The following FSIP1 variants were observed in gnomAD, a reference collection of about 807,000 sequenced individuals.
The protein encoded by FSIP1 is fibrous sheath interacting protein 1.
In FSIP1, 65 loss-of-function variants were observed where a neutral mutation model predicts 60.9. The ratio of observed to expected loss-of-function variants is 1.07; its 90% CI spans 0.87 to 1.31. The LOEUF is 1.31. FSIP1 is among the 40% of genes most tolerant of loss of function. The pLI, the probability that FSIP1 is intolerant of heterozygous loss-of-function variation, is 0.00. For synonymous variants in FSIP1, 209 were observed against 221.2 expected, an observed-to-expected ratio of 0.94 and a Z score of 0.49; for missense variants, 675 against 665.5, an observed-to-expected ratio of 1.01 and a Z score of -0.16.
At chr15:39,672,220 C>T (rs1415483415) in intron 10 of FSIP1, among the ~76,000 whole-genome samples, 2 of 152,088 alleles carry the variant, frequency 1.3e-5, no homozygotes, top group South Asian at 4.2e-4. Context: ...TGAAGATCTG[C>T]TTTAGGGAAT....
chr15:39,714,337 G>A (rs1255496030), intron 9 of FSIP1, among the ~76,000 whole-genome samples: 1 of 151,840 alleles, frequency 6.6e-6, no homozygotes, highest in African/African-American at 2.4e-5. Context: ...TTCTTGATAG[G>A]AATTTGGTCC....
In FSIP1 at chr15:39,646,554, G is replaced by A. The variant is rs988667172; in HGVS notation, c.1189-28309C>T. On this transcript the variant is annotated intron_variant, in intron 10 of 11. Coordinates refer to ENST00000350221, the MANE Select transcript of FSIP1 (RefSeq NM_152597.5). ...AAAAAAAAAAAAAAAAAAAGGCTGCGTTTGGTGATGTGTGCCTGTAGTCCC... is the reference window on the plus strand; with the variant it reads ...AAAAAAAAAAAAAAAAAAAGGCTGCATTTGGTGATGTGTGCCTGTAGTCCC... Among the ~76,000 whole-genome samples the A allele has an allele frequency of 6.5e-5, 8 of 123,326 alleles. No individual in the cohort carries two copies. The East Asian group carries it at 1.2e-3, about 19-fold the overall frequency. 80.9% of individuals were successfully genotyped at this position (123,326 alleles called of 152,430 possible).
At chr15:39,713,054 G>A (rs145114024) in intron 10 of FSIP1, among the ~76,000 whole-genome samples, 3 of 152,212 alleles carry the variant, frequency 2.0e-5, no homozygotes, top group African/African-American at 7.2e-5. Flanking sequence ...CACACTATCT[G>A]AAGTCAGAAT....
intron 1 of FSIP1, among the ~76,000 whole-genome samples, chr15:39,781,907 A>AT (rs1898277731): frequency 6.6e-6 from 1 of 152,264 alleles, no homozygotes; most frequent in South Asian, 2.1e-4. Context: ...ACATAACTGT[A>AT]TACATTTGTC....
chr15:39,679,515 T>A (rs1894076614), intron 10 of FSIP1, among the ~76,000 whole-genome samples: 1 of 152,076 alleles, frequency 6.6e-6, no homozygotes, highest in African/African-American at 2.4e-5. Flanking sequence ...GGTGGGAAGA[T>A]CATTTGAGCC....
intron 10 of FSIP1, among the ~76,000 whole-genome samples, chr15:39,637,881 T>A (rs1375305587): frequency 6.6e-6 from 1 of 152,226 alleles, no homozygotes; most frequent in East Asian, 1.9e-4. Flanking sequence ...TGAATTTTTA[T>A]GTGAGCCAAA....
intron 3 of FSIP1, among the ~76,000 whole-genome samples, chr15:39,766,951 C>T (rs1474405606): frequency 1.3e-5 from 2 of 152,084 alleles, no homozygotes; most frequent in African/African-American, 2.4e-5. Flanking sequence ...GCAATCCTCC[C>T]ACATCAGCTT....
chr15:39,781,444 C>G (rs1194337245), intron 1 of FSIP1, among the ~76,000 whole-genome samples: 1 of 152,092 alleles, frequency 6.6e-6, no homozygotes, highest in African/African-American at 2.4e-5. Context: ...TACCATATGA[C>G]TCCACAATCT....
intron 6 of FSIP1, among the ~76,000 whole-genome samples, chr15:39,740,399 T>C (rs375078367): frequency 2.6e-5 from 4 of 152,166 alleles, no homozygotes; most frequent in African/African-American, 9.6e-5. Flanking sequence ...GTGCTCAAAA[T>C]AAGAATAAGA....
chr15:39,631,172 T>C (rs1891869045), intron 10 of FSIP1, among the ~76,000 whole-genome samples: 1 of 152,198 alleles, frequency 6.6e-6, no homozygotes, highest in South Asian at 2.1e-4. Flanking sequence ...TGGGTGCTCC[T>C]CCACCCTCTG....
chr15:39,611,259 T>C lies in FSIP1; in HGVS notation c.1699+6476A>G, dbSNP rs569392382. On this transcript the variant is annotated intron_variant, in intron 11 of 11. Coordinates refer to ENST00000350221, the MANE Select transcript of FSIP1 (RefSeq NM_152597.5). Reference sequence around the variant, plus strand: ...AGGGCGTTAAAGTATTGAGATTTTATATGTGATAAAAGTTATCAGCTTAAA... The same window carrying C: ...AGGGCGTTAAAGTATTGAGATTTTACATGTGATAAAAGTTATCAGCTTAAA... Among the ~76,000 whole-genome samples the C allele has an allele frequency of 6.6e-5, 10 of 152,378 alleles. No homozygotes were observed. The South Asian group carries it at 1.9e-3, about 28-fold the overall frequency.
intron 5 of FSIP1, among the ~76,000 whole-genome samples, chr15:39,754,522 C>T (rs1294540894): frequency 1.3e-5 from 2 of 151,532 alleles, no homozygotes; most frequent in African/African-American, 4.9e-5. Context: ...ATGCTGAGAC[C>T]AAACCATTTA....
intron 10 of FSIP1, among the ~76,000 whole-genome samples, chr15:39,647,673 A>G (rs946093535): frequency 5.6e-5 from 8 of 142,498 alleles, no homozygotes; most frequent in Admixed American, 5.4e-4. Context: ...TTAAAGCTTC[A>G]GAACAGCCAT....
At chr15:39,720,684 C>A (rs11856448) in intron 9 of FSIP1, among the ~76,000 whole-genome samples, 16,337 of 152,146 alleles carry the variant, frequency 0.11, 1,007 homozygotes, top group Middle Eastern at 0.23. Context: ...CTGGAGAGAA[C>A]TGGAATCTGA....
intron 10 of FSIP1, among the ~76,000 whole-genome samples, chr15:39,705,268 A>T (rs557757190): frequency 5.3e-5 from 8 of 152,294 alleles, no homozygotes; most frequent in African/African-American, 1.2e-4. Flanking sequence ...TCATTATGCA[A>T]CTTCATCAAA....
chr15:39,739,835 A>G, intron 6 of FSIP1, 46 bp from the exon 7 acceptor site: 2 of 1,256,442 alleles, frequency 1.6e-6, no homozygotes, highest in Non-Finnish European at 2.2e-6. Context: ...AAAAGTGTCA[A>G]TTATGCTAAA....
At chr15:39,776,791 G>C (rs1898079014) in intron 1 of FSIP1, among the ~76,000 whole-genome samples, 1 of 152,134 alleles carries the variant, frequency 6.6e-6, no homozygotes, top group African/African-American at 2.4e-5. Context: ...AGAAGTGAAT[G>C]CCATCTTGGT....
chr15:39,617,490 CCAA>C (rs1249858919), intron 11 of FSIP1, among the ~76,000 whole-genome samples: 9 of 152,260 alleles, frequency 5.9e-5, no homozygotes, highest in Non-Finnish European at 1.2e-4. Flanking sequence ...TCCTGTGAAA[CCAA>C]CATTATTTTC....
intron 5 of FSIP1, among the ~76,000 whole-genome samples, chr15:39,761,247 G>A (rs1175745048): frequency 5.3e-5 from 8 of 152,108 alleles, no homozygotes; most frequent in East Asian, 1.9e-4. Context: ...TTTGGAATTC[G>A]TTTGTCAACG....
Sources: gnomAD v4.1 joint callset for allele counts (sites outside exome capture counted in the v4.1 genomes callset) on GRCh38, gnomAD v4.1.1 for gene constraint, MANE v1.5 for transcripts, NCBI Gene and HGNC (gene_info 2026-07-23, HGNC 2026-07-21) for gene names.